DDA1: variants seen among roughly 807,000 people sequenced by gnomAD.
DDA1 encodes DET1 and DDB1 associated 1.
DDA1 carries 3 observed loss-of-function variants against 18.6 expected under a neutral mutation model. That is an observed-to-expected ratio of 0.16 (90% CI 0.07 to 0.42). The LOEUF is 0.42. DDA1 is among the 10% of genes least tolerant of loss of function. The pLI is 0.99. For synonymous variants in DDA1, 52 were observed against 54.0 expected (o/e 0.96, Z 0.17); for missense variants, 105 against 138.2 (o/e 0.76, Z 1.20).
chr19:17,314,655 C>T lies in DDA1; in HGVS notation c.136+266C>T, dbSNP rs547515628. On this transcript the variant is annotated intron_variant, in intron 3 of 4. Transcript: ENST00000359866. The surrounding 1 kb of genome is among the most constrained non-coding windows in gnomAD (Gnocchi z 4.6). ...GGGGACAGCCAGAAACCTGGCTTTCCCCAGGTGTCTCTTGATTGGGACACA... is the reference window on the plus strand; with the variant it reads ...GGGGACAGCCAGAAACCTGGCTTTCTCCAGGTGTCTCTTGATTGGGACACA... The T allele has an allele frequency of 7.8e-5, 41 of 524,018 alleles. No homozygotes were observed. The highest frequency in any genetic ancestry group is 5.7e-4 in the South Asian group (27 of 47,514). 32.5% of individuals were successfully genotyped at this position (524,018 alleles called of 1,614,324 possible).
intron 1 of DDA1, among the ~76,000 whole-genome samples, chr19:17,311,707 T>C (rs1331236389): frequency 6.6e-6 from 1 of 152,228 alleles, no homozygotes; most frequent in Non-Finnish European, 1.5e-5. Flanking sequence ...CTCTTCCTCC[T>C]GTGATCGAGG....
At chr19:17,315,273 G>A (rs58595092) in intron 3 of DDA1, among the ~76,000 whole-genome samples, 6 of 57,714 alleles carry the variant, frequency 1.0e-4, no homozygotes, top group African/African-American at 1.8e-4. Flanking sequence ...ACACACACGT[G>A]TATATACACA....
At chr19:17,309,761 G>C in intron 1 of DDA1, 104 bp downstream of exon 1, 2 of 1,414,316 alleles carry the variant, frequency 1.4e-6, no homozygotes, top group Non-Finnish European at 9.5e-7. Context: ...GTTCTGCCCG[G>C]TCCCCTCAGG....
chr19:17,311,814 G>A (rs2074180262), intron 1 of DDA1, among the ~76,000 whole-genome samples: 1 of 152,150 alleles, frequency 6.6e-6, no homozygotes, highest in South Asian at 2.1e-4. Flanking sequence ...TACCTGCAGT[G>A]GGACTGGCAC....
chr19:17,319,732 AC>A lies in DDA1; in HGVS notation c.*80del. 1 of 1,352,252 alleles carries A rather than the reference AC, an allele frequency of 7.4e-7. No individual in the cohort carries two copies. The highest frequency in any genetic ancestry group is 1.0e-6 in the Non-Finnish European group (1 of 985,998). The allele number at this position is 1,352,252 out of a possible 1,614,324, so 83.8% of individuals were successfully genotyped here. The stretch of plus-strand genomic sequence containing the variant: ...ACCCGCCTGCCCGCCATGTGTAAGC[AC>A]CCCGCCCGCCCGCCTCCCTGCCGGC... On this transcript the variant is annotated 3_prime_UTR_variant, in exon 5 of 5. Coordinates refer to ENST00000359866, the MANE Select transcript of DDA1 (RefSeq NM_024050.6).
chr19:17,314,259 G>A lies in DDA1; in HGVS notation c.85-79G>A. ...GAGTGTCTTCCAATCTGCACTGAAGGGTGGGTGCTGAGTGGAGGGATGAGG... is the reference window on the plus strand; with the variant it reads ...GAGTGTCTTCCAATCTGCACTGAAGAGTGGGTGCTGAGTGGAGGGATGAGG... On this transcript the variant is annotated intron_variant, in intron 2 of 4. Coordinates refer to ENST00000359866, the MANE Select transcript of DDA1 (RefSeq NM_024050.6). This position sits in a 1 kb window ranked among gnomAD's most constrained non-coding sequence, Gnocchi z 4.6. The A allele has an allele frequency of 6.3e-7, 1 of 1,584,852 alleles. No individual in the cohort carries two copies. Among genetic ancestry groups the A allele is most frequent in the Non-Finnish European group, 8.7e-7 (1 of 1,153,994 alleles).
Position 17,320,483 on chromosome 19 carries a change from T to A in DDA1, c.*827T>A, listed in dbSNP as rs2145679401. On this transcript the variant is annotated 3_prime_UTR_variant, in exon 5 of 5. Coordinates refer to ENST00000359866, the MANE Select transcript of DDA1 (RefSeq NM_024050.6). The stretch of plus-strand genomic sequence containing the variant: ...ACCTGCCTGGACCATCCCCTCTGCC[T>A]CTCCTGTCAAGGTGACCCCAAGGAC... 3 of 152,388 alleles carry A rather than the reference T, an allele frequency of 2.0e-5. No homozygotes were observed. The South Asian group carries it at 6.2e-4, about 32-fold the overall frequency. The allele number at this position is 152,388 out of a possible 1,614,324, so 9.4% of individuals were successfully genotyped here. A position where few individuals can be genotyped will look rare whatever the true frequency, so the allele number is the denominator to read the frequency against.
intron 1 of DDA1, among the ~76,000 whole-genome samples, chr19:17,310,908 C>G (rs569807374): frequency 1.0e-3 from 158 of 152,320 alleles, no homozygotes; most frequent in African/African-American, 3.3e-3. Context: ...TAGCCTTGCT[C>G]TCACCCCTTT....
rs56662339 is a variant in DDA1, at chr19:17,315,429, C to CATATAT, written c.137-484_137-479dup. Among the ~76,000 whole-genome samples the CATATAT allele has an allele frequency of 6.0e-3, 310 of 52,028 alleles. 7 individuals are homozygous for CATATAT. Among genetic ancestry groups the CATATAT allele is most frequent in the South Asian group, 0.022 (38 of 1,694 alleles). 34.1% of individuals were successfully genotyped at this position (52,028 alleles called of 152,430 possible). On this transcript the variant is annotated intron_variant, in intron 3 of 4. Transcript: ENST00000359866. ...ACATACGTGTGTGTGTGTGTGTGTGCATATATATATATATATATATATATA... is the reference window on the plus strand; with the variant it reads ...ACATACGTGTGTGTGTGTGTGTGTGCATATATATATATATATATATATATATATATA...
At chr19:17,311,972 C>G (rs2074181054) in intron 1 of DDA1, among the ~76,000 whole-genome samples, 1 of 152,188 alleles carries the variant, frequency 6.6e-6, no homozygotes, top group African/African-American at 2.4e-5. Flanking sequence ...TGCACGTACC[C>G]TGCCTTCATT....
Position 17,314,111 on chromosome 19 carries a change from C to G in DDA1, c.84+8C>G. The G allele has an allele frequency of 6.2e-7, 1 of 1,613,604 alleles. No homozygotes were observed. Among genetic ancestry groups the G allele is most frequent in the Non-Finnish European group, 8.5e-7 (1 of 1,179,640 alleles). ...TCCGTGTGCAAAGCCTCGGTGAGTG[C>G]GTGTTCCTGGGACTGGGAGGAATTG... On this transcript the variant is annotated splice_region_variant and intron_variant, in intron 2 of 4. Transcript: ENST00000359866. The surrounding 1 kb of genome is among the most constrained non-coding windows in gnomAD (Gnocchi z 4.6).
At position 17,314,451 on chromosome 19, in the gene DDA1, A is replaced by C; in HGVS notation, c.136+62A>C. On this transcript the variant is annotated intron_variant, in intron 3 of 4. Transcript: ENST00000359866. This position sits in a 1 kb window ranked among gnomAD's most constrained non-coding sequence, Gnocchi z 4.6. ...CTGAGGGGCGGGGTTTGGTGACTGCAGCGTGGCACGCGGAGGTTATCTTCA... is the reference window on the plus strand; with the variant it reads ...CTGAGGGGCGGGGTTTGGTGACTGCCGCGTGGCACGCGGAGGTTATCTTCA... The C allele has an allele frequency of 6.2e-7, 1 of 1,605,220 alleles. No homozygotes were observed. Among genetic ancestry groups the C allele is most frequent in the Non-Finnish European group, 8.5e-7 (1 of 1,172,088 alleles).
intron 4 of DDA1, 44 bp from the exon 5 acceptor site, chr19:17,319,502 C>T (rs897159476): frequency 5.6e-5 from 85 of 1,513,934 alleles, no homozygotes; most frequent in South Asian, 1.8e-4. Context: ...TGAGGCTGTC[C>T]GAAAAAAAAG....
At chr19:17,312,580 C>G (rs551567352) in intron 1 of DDA1, among the ~76,000 whole-genome samples, 12 of 152,128 alleles carry the variant, frequency 7.9e-5, no homozygotes, top group Middle Eastern at 3.2e-3. Flanking sequence ...GTGCCTGCAT[C>G]CCTGCGTCTG....
intron 4 of DDA1, among the ~76,000 whole-genome samples, chr19:17,317,989 C>T (rs994494347): frequency 2.0e-5 from 3 of 151,900 alleles, no homozygotes; most frequent in African/African-American, 4.8e-5. Flanking sequence ...TTTTGCCCTG[C>T]CCTGCCCTGC....
Position 17,315,262 on chromosome 19 carries a change from TACAC to T in DDA1, c.137-667_137-664del, listed in dbSNP as rs1239747863. Among the ~76,000 whole-genome samples, 3 of 76,216 alleles carry T rather than the reference TACAC, an allele frequency of 3.9e-5. 1 individual carries two copies. Among genetic ancestry groups the T allele is most frequent in the East Asian group, 2.5e-4 (1 of 4,016 alleles). 50.0% of individuals were successfully genotyped at this position (76,216 alleles called of 152,430 possible). A position where few individuals can be genotyped will look rare whatever the true frequency, so the allele number is the denominator to read the frequency against. On this transcript the variant is annotated intron_variant, in intron 3 of 4. Coordinates refer to ENST00000359866, the MANE Select transcript of DDA1 (RefSeq NM_024050.6). ...ACGTGTATATACACACACGTGTATA[TACAC>T]ACACGTGTATATACACACACTATAT...
rs1292537833 is a variant in DDA1 at position 17,311,163 on chromosome 19, G to A, written c.3+1506G>A. ...GCACTGCATGGGGCCTGAGAAGGAG[G>A]TTGTTTTTTTTTTTTCTTTTGAGAT... On this transcript the variant is annotated intron_variant, in intron 1 of 4. Transcript: ENST00000359866. Among the ~76,000 whole-genome samples the A allele has an allele frequency of 2.2e-5, 3 of 138,366 alleles. No homozygotes were observed. The Admixed American group carries it at 2.2e-4, about 10-fold the overall frequency. The allele number at this position is 138,366 out of a possible 152,430, so 90.8% of individuals were successfully genotyped here.
In DDA1 at chr19:17,322,632, G is replaced by A. The variant is rs754752167; in HGVS notation, c.*2976G>A. On this transcript the variant is annotated 3_prime_UTR_variant, in exon 5 of 5. Coordinates refer to ENST00000359866, the MANE Select transcript of DDA1 (RefSeq NM_024050.6). The stretch of plus-strand genomic sequence containing the variant: ...AAAATGTGAGGGTCTGAGAGGCCAC[G>A]TTCCTGTTCCTGAGTCATACGACAG... 4 of 152,376 alleles carry A rather than the reference G, an allele frequency of 2.6e-5. No homozygotes were observed. The highest frequency in any genetic ancestry group is 5.9e-5 in the Non-Finnish European group (4 of 68,084). 9.4% of individuals were successfully genotyped at this position (152,376 alleles called of 1,614,324 possible). A position where few individuals can be genotyped will look rare whatever the true frequency, so the allele number is the denominator to read the frequency against.
intron 1 of DDA1, among the ~76,000 whole-genome samples, chr19:17,311,957 A>G (rs753888822): frequency 1.6e-4 from 25 of 152,108 alleles, no homozygotes; most frequent in Non-Finnish European, 3.1e-4. Context: ...GCATGACAGG[A>G]AGGCTGCACG....
Sources: allele counts gnomAD v4.1 joint callset (sites outside exome capture counted in the v4.1 genomes callset), GRCh38; gene constraint gnomAD v4.1.1; non-coding constraint Gnocchi (gnomAD v3.1); transcripts MANE v1.5; gene names NCBI Gene and HGNC (gene_info 2026-07-23, HGNC 2026-07-21).